Variants in MTMR8 observed in about 807,000 individuals in gnomAD.
MTMR8 encodes phosphatidylinositol-3,5-bisphosphate 3-phosphatase MTMR8.
A neutral mutation model predicts 39.3 loss-of-function variants in MTMR8; 65 were observed. That is an observed-to-expected ratio of 1.65 (90% CI 1.35 to 2.03). The LOEUF (loss-of-function observed/expected upper bound fraction) is 2.03, where lower values mean the gene tolerates loss of function less well. Among genes scored for constraint, MTMR8 ranks in the 30% most tolerant of loss-of-function variants. The pLI, the probability that MTMR8 is intolerant of heterozygous loss-of-function variation, is 0.00. For synonymous variants in MTMR8, 245 were observed against 185.2 expected, an observed-to-expected ratio of 1.32 and a Z score of -2.62; for missense variants, 777 against 538.9, an observed-to-expected ratio of 1.44 and a Z score of -4.37.
intron 1 of MTMR8, among the ~76,000 whole-genome samples, chrX:64,375,651 A>G (rs998243672): frequency 1.8e-5 from 2 of 111,346 alleles, no homozygotes; most frequent in African/African-American, 6.5e-5. Context: ...GGCTTAAAGG[A>G]GCTGTTTGCC....
chrX:64,388,259 C>G (rs1182267294), intron 1 of MTMR8, among the ~76,000 whole-genome samples: 3 of 111,982 alleles, frequency 2.7e-5, no homozygotes, highest in African/African-American at 9.8e-5. Flanking sequence ...ATGTCCCAAG[C>G]AAGTCCTGCC....
chrX:64,286,205 C>G (rs749001961), intron 12 of MTMR8, among the ~76,000 whole-genome samples: 7 of 112,277 alleles, frequency 6.2e-5, no homozygotes, highest in African/African-American at 2.3e-4. Flanking sequence ...CAACTCTACG[C>G]AAATAAACTA....
At chrX:64,302,299 G>A (rs967121404) in intron 12 of MTMR8, among the ~76,000 whole-genome samples, 6 of 112,504 alleles carry the variant, frequency 5.3e-5, no homozygotes, top group African/African-American at 1.3e-4. Context: ...TCTGAAAAGC[G>A]CAATATTCGG....
At chrX:64,273,782 G>A (rs760592297) in intron 12 of MTMR8, among the ~76,000 whole-genome samples, 4 of 111,270 alleles carry the variant, frequency 3.6e-5, no homozygotes, top group Non-Finnish European at 7.6e-5. Context: ...CATGCAAATT[G>A]TAACTTAAAA....
In MTMR8 at chrX:64,287,999, C is replaced by CAAAA. The variant is rs869176366; in HGVS notation, c.1482-16930_1482-16927dup. The stretch of plus-strand genomic sequence containing the variant: ...ATTAAACTAAAGAGCTGCTACACAG[C>CAAAA]AAAAAAAAAAAAAAAAAAAAAAAAA... On this transcript the variant is annotated intron_variant, in intron 12 of 13. Transcript: ENST00000374852. Among the ~76,000 whole-genome samples the CAAAA allele has an allele frequency of 7.2e-4, 6 of 8,289 alleles. 1 individual carries two copies. Among genetic ancestry groups the CAAAA allele is most frequent in the Non-Finnish European group, 7.1e-4 (3 of 4,229 alleles). The allele number at this position is 8,289 out of a possible 115,157, so 7.2% of individuals were successfully genotyped here.
rs1292867635 is a variant in MTMR8, at chrX:64,268,546, C to G, written c.2106G>C (p.Lys702Asn). ...KASTKEADYS[K>N]HQ Reference sequence around the variant, plus strand: ...AAGATGAGTAACTAACTCACTGATGCTTGGAGTAGTCTGCCTCCTTGGTGC... The same window carrying G: ...AAGATGAGTAACTAACTCACTGATGGTTGGAGTAGTCTGCCTCCTTGGTGC... Residue 702 changes from lysine (K) to asparagine (N), a missense_variant, in exon 14 of 14, where the codon AAG (lysine) becomes AAC (asparagine). By Grantham distance (94) the Lys-to-Asn change is moderately conservative. Transcript: ENST00000374852. 1 of 1,202,293 alleles carries G rather than the reference C, an allele frequency of 8.3e-7. No individual in the cohort carries two copies. Among genetic ancestry groups the G allele is most frequent in the African/African-American group, 1.8e-5 (1 of 56,809 alleles).
chrX:64,287,070 T>G (rs1869015695), intron 12 of MTMR8, among the ~76,000 whole-genome samples: 2 of 111,830 alleles, frequency 1.8e-5, no homozygotes, highest in South Asian at 7.5e-4. Context: ...AACCCCATTG[T>G]CTCAGCCCAA....
intron 12 of MTMR8, among the ~76,000 whole-genome samples, chrX:64,283,165 C>T (rs1260640965): frequency 3.6e-5 from 4 of 112,192 alleles, no homozygotes; most frequent in East Asian, 2.8e-4. Context: ...AGACGGCACA[C>T]CAGGAGATTA....
At position 64,304,265 on chromosome X, in the gene MTMR8, T is replaced by C. The variant is rs186340911; in HGVS notation, c.1481+24507A>G. Among the ~76,000 whole-genome samples the C allele has an allele frequency of 3.0e-3, 322 of 107,529 alleles. 1 individual carries two copies. The highest frequency in any genetic ancestry group is 0.012 in the African/African-American group (314 of 26,455). The allele number at this position is 107,529 out of a possible 115,157, so 93.4% of individuals were successfully genotyped here. A position where few individuals can be genotyped will look rare whatever the true frequency, so the allele number is the denominator to read the frequency against. On this transcript the variant is annotated intron_variant, in intron 12 of 13. Transcript: ENST00000374852. ...GCTGCTGATCCAGTATTTGTTTTTA[T>C]GTCCAGTGTACATTAACACTCAGGA...
At chrX:64,286,490 C>T (rs758481723) in intron 12 of MTMR8, among the ~76,000 whole-genome samples, 1 of 111,686 alleles carries the variant, frequency 9.0e-6, no homozygotes, top group East Asian at 2.8e-4. Context: ...GATATCAAAG[C>T]CTGGCAGAGA....
chrX:64,354,691 T>G, intron 4 of MTMR8, 86 bp downstream of exon 4: 1 of 927,912 alleles, frequency 1.1e-6, no homozygotes, highest in Non-Finnish European at 1.5e-6. Flanking sequence ...TATGAGTCAT[T>G]TCTCTCTTTT....
At position 64,279,201 on chromosome X, in the gene MTMR8, A is replaced by T. The variant is rs72623455; in HGVS notation, c.1482-8128T>A. 8.1e-4 allele frequency among the ~76,000 whole-genome samples: 91 copies of T among 112,040 alleles called. No homozygotes were observed. In the East Asian group the frequency reaches 0.023, roughly 29 times the overall value. ...CCTTCCCCCTAACACTTCTCAAATT[A>T]TTTCAAGAAATCAAAAAGGAGGGCA... On this transcript the variant is annotated intron_variant, in intron 12 of 13. Transcript: ENST00000374852.
intron 12 of MTMR8, among the ~76,000 whole-genome samples, chrX:64,311,373 A>C (rs1437695263): frequency 9.1e-6 from 1 of 110,272 alleles, no homozygotes; most frequent in African/African-American, 3.3e-5. Flanking sequence ...TGTTTAAATT[A>C]TTTGTAGATT....
chrX:64,294,764 G>A (rs1263338446), intron 12 of MTMR8, among the ~76,000 whole-genome samples: 1 of 111,230 alleles, frequency 9.0e-6, no homozygotes, highest in Admixed American at 9.6e-5. Flanking sequence ...ATGTCTCTGG[G>A]GTCTCATTTA....
chrX:64,393,582 G>C (rs1319517113), intron 1 of MTMR8, among the ~76,000 whole-genome samples: 1 of 112,159 alleles, frequency 8.9e-6, no homozygotes, highest in Non-Finnish European at 1.9e-5. Flanking sequence ...CCCAAGCTTA[G>C]GTGGGTTGGG....
rs759445267 is a variant in MTMR8 at position 64,350,076 on chromosome X, A to G, written c.469-6T>C. On this transcript the variant is annotated splice_region_variant and splice_polypyrimidine_tract_variant and intron_variant, in intron 4 of 13. Transcript: ENST00000374852. ...GGAGGGTAGGTGCTGCATATCTAAA[A>G]GAAAATAAGCACAATATATATAAAT... is the stretch of plus-strand genomic sequence containing the variant. 4.7e-6 allele frequency: 5 copies of G among 1,072,651 alleles called. No individual in the cohort carries two copies. In the Admixed American group the frequency reaches 7.8e-5, roughly 17 times the overall value. 88.4% of individuals were successfully genotyped at this position (1,072,651 alleles called of 1,213,427 possible).
intron 13 of MTMR8, among the ~76,000 whole-genome samples, chrX:64,269,475 G>A (rs772080006): frequency 1.5e-4 from 17 of 111,039 alleles, no homozygotes; most frequent in Non-Finnish European, 2.8e-4. Context: ...ACCCAAATTC[G>A]CACATGTACA....
chrX:64,376,476 T>C (rs1409390392), intron 1 of MTMR8, among the ~76,000 whole-genome samples: 1 of 112,160 alleles, frequency 8.9e-6, no homozygotes, highest in Non-Finnish European at 1.9e-5. Flanking sequence ...ATTAGTGGCA[T>C]TGTGCCCCTG....
rs1399354976 is a variant in MTMR8 at position 64,268,501 on chromosome X, T to C, written c.*36A>G. On this transcript the variant is annotated 3_prime_UTR_variant, in exon 14 of 14. Transcript: ENST00000374852. ...CTGGGACAAGAATCATTGTAGCTGC[T>C]GTAGGTATACCTAGCATGGAAGATG... The C allele has an allele frequency of 8.5e-7, 1 of 1,170,133 alleles. No individual in the cohort carries two copies. The highest frequency in any genetic ancestry group is 1.1e-6 in the Non-Finnish European group (1 of 875,837).
Sources: allele counts gnomAD v4.1 joint callset (sites outside exome capture counted in the v4.1 genomes callset), GRCh38; gene constraint gnomAD v4.1.1; transcripts MANE v1.5; gene names NCBI Gene and HGNC (gene_info 2026-07-23, HGNC 2026-07-21).